UPF3B: variants seen among roughly 807,000 people sequenced by gnomAD.
UPF3B encodes the protein UPF3B regulator of nonsense mediated mRNA decay.
Under a neutral mutation model 40.3 loss-of-function variants are expected in UPF3B, and 7 were observed. That is an observed-to-expected ratio of 0.17 (90% CI 0.10 to 0.33). The LOEUF (loss-of-function observed/expected upper bound fraction) is 0.33. UPF3B is among the 10% of genes least tolerant of loss of function. UPF3B has a pLI of 1.00. For missense variants in UPF3B, 229 were observed against 358.9 expected, an observed-to-expected ratio of 0.64 and a Z score of 2.93; for synonymous variants, 117 against 117.3, an observed-to-expected ratio of 1.00 and a Z score of 0.01.
At chrX:119,845,591 T>G (rs1182533922) in intron 3 of UPF3B, among the ~76,000 whole-genome samples, 5 of 112,467 alleles carry the variant, frequency 4.4e-5, no homozygotes, top group African/African-American at 1.6e-4. Context: ...ATTTTTCATT[T>G]TAAAATGTTA....
intron 6 of UPF3B, among the ~76,000 whole-genome samples, chrX:119,807,027 T>TAAAAAAAAAAAAAA (rs1191950024): frequency 6.1e-4 from 13 of 21,392 alleles, no homozygotes; most frequent in Admixed American, 1.4e-3. Flanking sequence ...AGACCCTGTC[T>TAAAAAAAAAAAAAA]AAAAAAAAAA....
At chrX:119,807,967 A>T (rs765720417) in intron 5 of UPF3B, among the ~76,000 whole-genome samples, 6 of 111,299 alleles carry the variant, frequency 5.4e-5, no homozygotes, top group African/African-American at 2.0e-4. Context: ...CTAAGTTTTT[A>T]AATTTTTAGT....
At chrX:119,826,788 C>T (rs1450801760) in intron 3 of UPF3B, among the ~76,000 whole-genome samples, 4 of 111,948 alleles carry the variant, frequency 3.6e-5, no homozygotes, top group Admixed American at 9.6e-5. Context: ...GGAAGTGATA[C>T]GTGGCTTTCC....
chrX:119,818,297 C>T (rs2055882218), intron 4 of UPF3B, among the ~76,000 whole-genome samples: 1 of 109,302 alleles, frequency 9.1e-6, no homozygotes, highest in Non-Finnish European at 1.9e-5. Context: ...CCTCTTCGTG[C>T]TTTAACTGAA....
At chrX:119,842,222 A>T (rs1367302619) in intron 5 of UPF3B, among the ~76,000 whole-genome samples, 1 of 111,520 alleles carries the variant, frequency 9.0e-6, no homozygotes, top group South Asian at 3.7e-4. Context: ...AATAAAAGTC[A>T]AGTTTTGGAA....
rs1354213104 is a variant in UPF3B, at chrX:119,840,627, T to A, written c.846+19A>T. On this transcript the variant is annotated intron_variant, in intron 8 of 10. Coordinates refer to ENST00000276201, the MANE Select transcript of UPF3B (RefSeq NM_080632.3). Reference sequence around the variant, plus strand: ...GTGACATGATACTAGATGCTCTGTATCATGTACTTGGTCCTTACATTTTTC... The same window carrying A: ...GTGACATGATACTAGATGCTCTGTAACATGTACTTGGTCCTTACATTTTTC... 2 of 1,199,504 alleles carry A rather than the reference T, an allele frequency of 1.7e-6. No homozygotes were observed. The highest frequency in any genetic ancestry group is 4.4e-5 in the Admixed American group (2 of 45,467).
rs2056068814 is a variant in UPF3B at position 119,834,381 on chromosome X, T to C, written c.*497A>G. The C allele has an allele frequency of 9.1e-6, 7 of 769,132 alleles. No individual in the cohort carries two copies. The highest frequency in any genetic ancestry group is 9.2e-6 in the Non-Finnish European group (6 of 648,791). The allele number at this position is 769,132 out of a possible 1,213,427, so 63.4% of individuals were successfully genotyped here. ...AACGAAAGTGTGTTCTATCCTTCAC[T>C]GTACCTGTACTACAAGGACATGCTT... On this transcript the variant is annotated 3_prime_UTR_variant, in exon 11 of 11. Coordinates refer to ENST00000276201, the MANE Select transcript of UPF3B (RefSeq NM_080632.3).
intron 8 of UPF3B, among the ~76,000 whole-genome samples, chrX:119,839,813 G>C (rs1180938563): frequency 8.9e-6 from 1 of 111,898 alleles, no homozygotes; most frequent in Non-Finnish European, 1.9e-5. Context: ...TAGAAACCAA[G>C]GTGTTCATTA....
intron 3 of UPF3B, among the ~76,000 whole-genome samples, chrX:119,823,765 T>G (rs1253367726): frequency 1.8e-5 from 2 of 109,975 alleles, no homozygotes; most frequent in Non-Finnish European, 3.8e-5. Context: ...GGTTTTACCA[T>G]GTTTTTCAGG....
At chrX:119,819,861 TTG>T (rs1406926414) in intron 4 of UPF3B, among the ~76,000 whole-genome samples, 1 of 101,244 alleles carries the variant, frequency 9.9e-6, no homozygotes. Flanking sequence ...TTTTTTTTTT[TTG>T]AGATGGAGTC....
chrX:119,807,149 C>T (rs757750643), intron 6 of UPF3B, among the ~76,000 whole-genome samples: 1 of 110,754 alleles, frequency 9.0e-6, no homozygotes, highest in Non-Finnish European at 1.9e-5. Context: ...ATGAAGTCCT[C>T]ACTTGACATT....
downstream of UPF3B, among the ~76,000 whole-genome samples, chrX:119,829,731 GTTC>G (rs1359852817): frequency 2.7e-5 from 3 of 111,692 alleles, no homozygotes; most frequent in Non-Finnish European, 5.6e-5. Context: ...GTCTGCTTCT[GTTC>G]TTTTCTCTCT....
At chrX:119,835,445 G>C (rs1340995200) in intron 10 of UPF3B, among the ~76,000 whole-genome samples, 1 of 111,636 alleles carries the variant, frequency 9.0e-6, no homozygotes, top group East Asian at 2.8e-4. Context: ...ATGTTGCCCA[G>C]GCTGCTTTCC....
chrX:119,836,357 AAAAT>A (rs1004187461), intron 10 of UPF3B, among the ~76,000 whole-genome samples: 8 of 111,703 alleles, frequency 7.2e-5, no homozygotes, highest in South Asian at 3.7e-4. Context: ...TCCATCGCAA[AAAAT>A]AAATAATTAA....
chrX:119,812,488 C>T (rs780063257), intron 5 of UPF3B, among the ~76,000 whole-genome samples: 3 of 111,335 alleles, frequency 2.7e-5, no homozygotes, highest in Non-Finnish European at 5.7e-5. Context: ...TTGCAAGTCA[C>T]TGAATGCCAT....
intron 3 of UPF3B, among the ~76,000 whole-genome samples, chrX:119,846,505 TA>T (rs780880120): frequency 0.1 from 5,806 of 57,889 alleles, 451 homozygotes; most frequent in African/African-American, 0.26. Flanking sequence ...TCGAGCCTGG[TA>T]AAAAAAAAAA....
chrX:119,829,124 C>T (rs150150223), downstream of UPF3B, among the ~76,000 whole-genome samples: 4,648 of 111,771 alleles, frequency 0.042, 114 homozygotes, highest in Non-Finnish European at 0.064. Context: ...CCGGTTCAAG[C>T]GATTCTTCTG....
intron 4 of UPF3B, among the ~76,000 whole-genome samples, chrX:119,820,471 A>AG (rs1281076004): frequency 1.0e-5 from 1 of 95,512 alleles, no homozygotes; most frequent in African/African-American, 4.1e-5. Flanking sequence ...TGTGGTGGTG[A>AG]GGGGGGCAGA....
At chrX:119,820,264 C>T (rs1229330336) in intron 4 of UPF3B, among the ~76,000 whole-genome samples, 1 of 111,691 alleles carries the variant, frequency 9.0e-6, no homozygotes, top group Non-Finnish European at 1.9e-5. Context: ...CTGTCTGAGC[C>T]TCCTGAGAAG....
Sources: allele counts gnomAD v4.1 joint callset (sites outside exome capture counted in the v4.1 genomes callset), GRCh38; gene constraint gnomAD v4.1.1; transcripts MANE v1.5; gene names NCBI Gene and HGNC (gene_info 2026-07-23, HGNC 2026-07-21).